SHISA3: variants seen among roughly 807,000 people sequenced by gnomAD.
SHISA3 encodes shisa family member 3.
In SHISA3, 15 loss-of-function variants were observed where a neutral mutation model predicts 19.2. The ratio of observed to expected loss-of-function variants is 0.78; its 90% CI spans 0.52 to 1.20. The LOEUF (loss-of-function observed/expected upper bound fraction) is 1.20. Among genes scored for constraint, SHISA3 ranks in the 50% most tolerant of loss-of-function variants. The pLI is 0.00. For missense variants in SHISA3, 327 were observed against 315.7 expected (o/e 1.04, Z -0.27); for synonymous variants, 145 against 135.2 (o/e 1.07, Z -0.50).
chr4:42,400,883 G>T, intron 1 of SHISA3, 129 bp from the exon 2 acceptor site: 1 of 924,418 alleles, frequency 1.1e-6, no homozygotes, highest in Non-Finnish European at 1.7e-6. Context: ...AACAAGCTCT[G>T]AAAAACTGAG....
intron 1 of SHISA3, among the ~76,000 whole-genome samples, chr4:42,398,754 C>A (rs1467041682): frequency 2.6e-5 from 4 of 152,110 alleles, no homozygotes; most frequent in Non-Finnish European, 5.9e-5. Context: ...CGGGAAGTGC[C>A]GAATGCAGGG....
rs763174428 is a variant in SHISA3, at chr4:42,402,151, A to C, written c.*700A>C. ...ATCATTTCCCCCACTCACTGGAGGG[A>C]GTATTTATTGCAGACTTTTTGTTCA... On this transcript the variant is annotated 3_prime_UTR_variant, in exon 2 of 2. Transcript: ENST00000319234. 6.6e-6 allele frequency: 1 copy of C among 152,190 alleles called. No individual in the cohort carries two copies. Among genetic ancestry groups the C allele is most frequent in the Non-Finnish European group, 1.5e-5 (1 of 68,024 alleles). 9.4% of individuals were successfully genotyped at this position (152,190 alleles called of 1,614,324 possible).
chr4:42,398,499 G>A (rs73813650), intron 1 of SHISA3, among the ~76,000 whole-genome samples, 166 bp downstream of exon 1: 1 of 152,176 alleles, frequency 6.6e-6, no homozygotes, highest in Non-Finnish European at 1.5e-5. Flanking sequence ...GGGTGGTCGC[G>A]TTTCAGATCA....
chr4:42,401,154 C>T lies in SHISA3; in HGVS notation c.420C>T (p.Ser140=). 6.2e-7 allele frequency: 1 copy of T among 1,614,250 alleles called. No homozygotes were observed. The highest frequency in any genetic ancestry group is 8.5e-7 in the Non-Finnish European group (1 of 1,180,048). The part of the protein sequence containing the change: ...SQQPIRFSLR[S]YQTETLPMIL... Reference sequence around the variant, plus strand: ...AGCCAATCCGCTTCTCACTCCGCAGCTATCAGACAGAGACCCTGCCCATGA... The same window carrying T: ...AGCCAATCCGCTTCTCACTCCGCAGTTATCAGACAGAGACCCTGCCCATGA... Residue 140 remains serine, a synonymous_variant, in exon 2 of 2, where the codon AGC becomes AGT. Coordinates refer to ENST00000319234, the MANE Select transcript of SHISA3 (RefSeq NM_001080505.3).
rs1254191911 is a variant in SHISA3 at position 42,398,086 on chromosome 4, C to T, written c.30C>T (p.Leu10=). ...GGGCACTGCTGGCGCTTTGCCTTCT[C>T]CTTGGCTGGCTGCGCTGGGGCCCGG... MRALLALCL[L]LGWLRWGPAG... The change falls in exon 1 of 2, where the codon CTC becomes CTT. Residue 10 remains leucine, a synonymous_variant. Coordinates refer to ENST00000319234, the MANE Select transcript of SHISA3 (RefSeq NM_001080505.3). 4 of 1,602,568 alleles carry T rather than the reference C, an allele frequency of 2.5e-6. No homozygotes were observed. Among genetic ancestry groups the T allele is most frequent in the Non-Finnish European group, 3.4e-6 (4 of 1,175,354 alleles).
chr4:42,397,977 G>T lies in SHISA3; in HGVS notation c.-80G>T, dbSNP rs1711791170. ...GACGTGTCCCTGGGGAGGCGGAATC[G>T]CTGTGCGCCCTGAGCCCGGGCTCAG... is the stretch of plus-strand genomic sequence containing the variant. On this transcript the variant is annotated 5_prime_UTR_variant, in exon 1 of 2. Transcript: ENST00000319234. 3.7e-6 allele frequency: 5 copies of T among 1,349,314 alleles called. No individual in the cohort carries two copies. The highest frequency in any genetic ancestry group is 4.9e-6 in the Non-Finnish European group (5 of 1,021,030). The allele number at this position is 1,349,314 out of a possible 1,614,324, so 83.6% of individuals were successfully genotyped here. A position where few individuals can be genotyped will look rare whatever the true frequency, so the allele number is the denominator to read the frequency against.
chr4:42,401,748 G>C lies in SHISA3; in HGVS notation c.*297G>C, dbSNP rs1382054720. The C allele has an allele frequency of 5.2e-5, 17 of 326,156 alleles. No homozygotes were observed. The East Asian group carries it at 8.7e-4, about 17-fold the overall frequency. The allele number at this position is 326,156 out of a possible 1,614,324, so 20.2% of individuals were successfully genotyped here. Reference sequence around the variant, plus strand: ...TTAAAGTTGCAAACTGGCTAAAAACGTTTTACTGGACATTCAGCTATATTG... The same window carrying C: ...TTAAAGTTGCAAACTGGCTAAAAACCTTTTACTGGACATTCAGCTATATTG... On this transcript the variant is annotated 3_prime_UTR_variant, in exon 2 of 2. Transcript: ENST00000319234.
chr4:42,398,447 C>G, intron 1 of SHISA3, 114 bp downstream of exon 1: 1 of 1,172,740 alleles, frequency 8.5e-7, no homozygotes, highest in Non-Finnish European at 1.2e-6. Flanking sequence ...TGGGTCTGTG[C>G]GCCAGGGGGA....
At position 42,401,525 on chromosome 4, in the gene SHISA3, A is replaced by G. The variant is rs1711924087; in HGVS notation, c.*74A>G. On this transcript the variant is annotated 3_prime_UTR_variant, in exon 2 of 2. Coordinates refer to ENST00000319234, the MANE Select transcript of SHISA3 (RefSeq NM_001080505.3). ...AGCCCTGCTCCCATTGCCACATGCA[A>G]TTCTGAGAAAATTTCCCTTGTAACT... is the stretch of plus-strand genomic sequence containing the variant. The G allele has an allele frequency of 1.4e-6, 2 of 1,474,062 alleles. No homozygotes were observed. Among genetic ancestry groups the G allele is most frequent in the South Asian group, 1.4e-5 (1 of 73,542 alleles). The allele number at this position is 1,474,062 out of a possible 1,614,324, so 91.3% of individuals were successfully genotyped here.
In SHISA3 at chr4:42,398,261, G is replaced by T; in HGVS notation, c.205G>T (p.Ala69Ser). ...SCALRYCCAAADARLEQGGCT... is the reference protein window; with the variant it reads ...SCALRYCCAASDARLEQGGCT... Reference sequence around the variant, plus strand: ...CGCGCTCCGCTACTGTTGCGCCGCGGCCGACGCCAGGCTGGAGCAGGGCGG... The same window carrying T: ...CGCGCTCCGCTACTGTTGCGCCGCGTCCGACGCCAGGCTGGAGCAGGGCGG... The change falls in exon 1 of 2, where the codon GCC (alanine) becomes TCC (serine). Residue 69 changes from alanine to serine, a missense_variant. By Grantham distance (99) the Ala-to-Ser change is moderately conservative. Coordinates refer to ENST00000319234, the MANE Select transcript of SHISA3 (RefSeq NM_001080505.3). 6.4e-7 allele frequency: 1 copy of T among 1,569,200 alleles called. No individual in the cohort carries two copies. Among genetic ancestry groups the T allele is most frequent in the Non-Finnish European group, 8.6e-7 (1 of 1,157,666 alleles).
rs768460143 is a variant in SHISA3, at chr4:42,401,204, C to A, written c.470C>A (p.Ala157Glu). Residue 157 changes from alanine to glutamate, a missense_variant, in exon 2 of 2, where the codon GCA becomes GAA. Transcript: ENST00000319234. ...PMILTSTSPR[A>E]PSRQSSTATS... ...ATCCTGACCTCCACCAGCCCCAGGGCACCCTCCCGGCAGTCCAGCACAGCC... is the reference window on the plus strand; with the variant it reads ...ATCCTGACCTCCACCAGCCCCAGGGAACCCTCCCGGCAGTCCAGCACAGCC... The A allele has an allele frequency of 6.2e-7, 1 of 1,614,230 alleles. No individual in the cohort carries two copies. The highest frequency in any genetic ancestry group is 8.5e-7 in the Non-Finnish European group (1 of 1,180,040).
At chr4:42,398,398 G>C in intron 1 of SHISA3, 65 bp downstream of exon 1, 2 of 1,461,824 alleles carry the variant, frequency 1.4e-6, no homozygotes, top group South Asian at 1.4e-5. Flanking sequence ...ATGTGTGCGC[G>C]GGAGGATGCA....
chr4:42,398,332 G>C lies in SHISA3; in HGVS notation c.276G>C (p.Ala92=). The part of the protein sequence containing the change: ...RRELEHPGIT[A]QPVYVPFLIV... Reference sequence around the variant, plus strand: ...AACTGGAGCACCCAGGCATCACTGCGCGTAAGTGCGGGGCCCTCGGGGACA... The same window carrying C: ...AACTGGAGCACCCAGGCATCACTGCCCGTAAGTGCGGGGCCCTCGGGGACA... The change falls in exon 1 of 2, where the codon GCG becomes GCC. Residue 92 remains alanine, a splice_region_variant and synonymous_variant. Coordinates refer to ENST00000319234, the MANE Select transcript of SHISA3 (RefSeq NM_001080505.3). 6.5e-7 allele frequency: 1 copy of C among 1,547,166 alleles called. No individual in the cohort carries two copies. Among genetic ancestry groups the C allele is most frequent in the South Asian group, 1.2e-5 (1 of 83,670 alleles).
Position 42,401,476 on chromosome 4 carries a change from CTCAG to C in SHISA3, c.*30_*33del, listed in dbSNP as rs1423913759. 6.5e-7 allele frequency: 1 copy of C among 1,536,534 alleles called. No individual in the cohort carries two copies. The highest frequency in any genetic ancestry group is 2.1e-5 in the Admixed American group (1 of 47,830). ...ACACGCCCAGGCCATGAATCCACAA[CTCAG>C]TCAGATGGCAGACAGGTGGAGCCCT... On this transcript the variant is annotated 3_prime_UTR_variant, in exon 2 of 2. Coordinates refer to ENST00000319234, the MANE Select transcript of SHISA3 (RefSeq NM_001080505.3).
At chr4:42,398,832 TTC>T (rs57009992) in intron 1 of SHISA3, among the ~76,000 whole-genome samples, 79 of 152,268 alleles carry the variant, frequency 5.2e-4, no homozygotes, top group African/African-American at 1.9e-3. Context: ...CACTTTTTTT[TTC>T]TGTCTTAATG....
At chr4:42,398,356 C>T (rs1711809841) in intron 1 of SHISA3, 23 bp downstream of exon 1, 1 of 1,512,408 alleles carries the variant, frequency 6.6e-7, no homozygotes, top group African/African-American at 1.4e-5. Context: ...CCCTCGGGGA[C>T]ATATCCCCGC....
intron 1 of SHISA3, among the ~76,000 whole-genome samples, chr4:42,398,860 C>T (rs1711827846): frequency 6.6e-6 from 1 of 152,084 alleles, no homozygotes; most frequent in Admixed American, 6.5e-5. Context: ...GTTTCTAAGC[C>T]ACGGCCCCGT....
chr4:42,401,574 C>G lies in SHISA3; in HGVS notation c.*123C>G. 1 of 1,045,354 alleles carries G rather than the reference C, an allele frequency of 9.6e-7. No homozygotes were observed. Among genetic ancestry groups the G allele is most frequent in the Middle Eastern group, 2.4e-4 (1 of 4,216 alleles). The allele number at this position is 1,045,354 out of a possible 1,614,324, so 64.8% of individuals were successfully genotyped here. A position where few individuals can be genotyped will look rare whatever the true frequency, so the allele number is the denominator to read the frequency against. On this transcript the variant is annotated 3_prime_UTR_variant, in exon 2 of 2. Transcript: ENST00000319234. ...CTGATCAGTGTCATGGAGGAGCATG[C>G]TAGGAAAACACAGCACCTTCTAATT...
rs1172181909 is a variant in SHISA3 at position 42,401,567 on chromosome 4, G to A, written c.*116G>A. 2.7e-6 allele frequency: 3 copies of A among 1,118,782 alleles called. No homozygotes were observed. The highest frequency in any genetic ancestry group is 3.8e-6 in the Non-Finnish European group (3 of 794,598). 69.3% of individuals were successfully genotyped at this position (1,118,782 alleles called of 1,614,324 possible). On this transcript the variant is annotated 3_prime_UTR_variant, in exon 2 of 2. Coordinates refer to ENST00000319234, the MANE Select transcript of SHISA3 (RefSeq NM_001080505.3). ...CTTGTAACTGATCAGTGTCATGGAG[G>A]AGCATGCTAGGAAAACACAGCACCT... is the stretch of plus-strand genomic sequence containing the variant.
Sources: allele counts gnomAD v4.1 joint callset (sites outside exome capture counted in the v4.1 genomes callset), GRCh38; gene constraint gnomAD v4.1.1; transcripts MANE v1.5; gene names NCBI Gene and HGNC (gene_info 2026-07-23, HGNC 2026-07-21).